ELAVL2: variants seen among roughly 807,000 people sequenced by gnomAD.
ELAVL2 encodes the protein ELAV-like protein 2.
In ELAVL2, 4 loss-of-function variants were observed where a neutral mutation model predicts 34.6. The ratio of observed to expected loss-of-function variants is 0.12; its 90% CI spans 0.06 to 0.26. The LOEUF (loss-of-function observed/expected upper bound fraction) is 0.26, where lower values mean the gene tolerates loss of function less well. Among genes scored for constraint, ELAVL2 ranks in the 10% least tolerant of loss-of-function variants. The pLI is 1.00. For missense variants in ELAVL2, 432 were observed against 442.8 expected, an observed-to-expected ratio of 0.98 and a Z score of 0.22; for synonymous variants, 193 against 154.8, an observed-to-expected ratio of 1.25 and a Z score of -1.83.
intron 1 of ELAVL2, among the ~76,000 whole-genome samples, chr9:23,816,431 T>A (rs1251717273): frequency 6.6e-6 from 1 of 151,636 alleles, no homozygotes; most frequent in Non-Finnish European, 1.5e-5. Flanking sequence ...ACATAGTCTT[T>A]AAAGTTGCTG....
intron 3 of ELAVL2, among the ~76,000 whole-genome samples, chr9:23,710,961 A>T (rs1564005523): frequency 6.6e-6 from 1 of 152,146 alleles, no homozygotes; most frequent in Non-Finnish European, 1.5e-5. Flanking sequence ...TTCACCCAAA[A>T]GGAAGATGTG....
chr9:23,776,926 C>T (rs2058297543), intron 1 of ELAVL2, among the ~76,000 whole-genome samples: 1 of 152,064 alleles, frequency 6.6e-6, no homozygotes, highest in African/African-American at 2.4e-5. Context: ...AAGTGGACTT[C>T]TGCCTCACTA....
intron 2 of ELAVL2, among the ~76,000 whole-genome samples, chr9:23,732,315 CTAA>C (rs1297068039): frequency 2.6e-5 from 4 of 152,106 alleles, no homozygotes; most frequent in Non-Finnish European, 5.9e-5. Flanking sequence ...AAAGAGAAGG[CTAA>C]ATACAGTGCC....
chr9:23,699,949 T>C (rs1377081088), intron 5 of ELAVL2, among the ~76,000 whole-genome samples: 2 of 151,562 alleles, frequency 1.3e-5, no homozygotes, highest in Non-Finnish European at 2.9e-5. Flanking sequence ...CCAACTTAAG[T>C]TGAAATTTAA....
At chr9:23,745,550 A>C (rs1029088397) in intron 2 of ELAVL2, among the ~76,000 whole-genome samples, 1 of 152,156 alleles carries the variant, frequency 6.6e-6, no homozygotes, top group African/African-American at 2.4e-5. Context: ...CTTGCTGGGA[A>C]AAAAAACATA....
At chr9:23,724,874 AT>A (rs376836188) in intron 3 of ELAVL2, among the ~76,000 whole-genome samples, 264 of 149,522 alleles carry the variant, frequency 1.8e-3, no homozygotes, top group African/African-American at 5.0e-3. Context: ...TACTTTTTCA[AT>A]TTTTTTTTTG....
At chr9:23,803,521 C>A (rs755015580) in intron 1 of ELAVL2, among the ~76,000 whole-genome samples, 1 of 152,240 alleles carries the variant, frequency 6.6e-6, no homozygotes, top group South Asian at 2.1e-4. Flanking sequence ...CTCCTCAAGG[C>A]CCCTTTAGCC....
intron 3 of ELAVL2, among the ~76,000 whole-genome samples, chr9:23,729,082 A>G (rs534096275): frequency 2.0e-5 from 3 of 152,190 alleles, no homozygotes; most frequent in Non-Finnish European, 1.5e-5. Flanking sequence ...AGCTGTCATC[A>G]ACTGTCTCCT....
intron 2 of ELAVL2, among the ~76,000 whole-genome samples, chr9:23,740,291 C>T (rs1184369255): frequency 5.3e-5 from 8 of 152,134 alleles, no homozygotes; most frequent in Non-Finnish European, 2.9e-5. Context: ...TAATTCTCAC[C>T]ACAAGGCTAC....
intron 1 of ELAVL2, among the ~76,000 whole-genome samples, chr9:23,763,002 TACA>T (rs2136054849): frequency 6.6e-6 from 1 of 152,218 alleles, no homozygotes; most frequent in African/African-American, 2.4e-5. Flanking sequence ...GTGACTGATC[TACA>T]ACATCAAAAT....
chr9:23,820,366 A>G (rs778747395), intron 1 of ELAVL2, among the ~76,000 whole-genome samples: 2 of 152,192 alleles, frequency 1.3e-5, no homozygotes, highest in African/African-American at 2.4e-5. Context: ...TGCCGAAGGT[A>G]TTACATTTTG....
the ELAVL2 span, among the ~76,000 whole-genome samples, chr9:23,850,239 C>G: frequency 1.1e-4 from 16 of 150,134 alleles, no homozygotes; most frequent in African/African-American, 3.9e-4. Flanking sequence ...ACCACCACCC[C>G]CCCCGCCCCC....
chr9:23,807,643 T>C (rs2062412015), intron 1 of ELAVL2, among the ~76,000 whole-genome samples: 1 of 152,128 alleles, frequency 6.6e-6, no homozygotes, highest in South Asian at 2.1e-4. Flanking sequence ...AATGGGGTGA[T>C]CTGTCAAAGG....
intron 2 of ELAVL2, among the ~76,000 whole-genome samples, chr9:23,734,639 TTTGA>T: frequency 6.6e-6 from 1 of 152,334 alleles, no homozygotes; most frequent in African/African-American, 2.4e-5. Context: ...TTGTTTCTTG[TTTGA>T]TTACTATCTC....
upstream of ELAVL2, chr9:23,826,278 G>GT (rs1165422518): frequency 6.6e-6 from 1 of 152,322 alleles, no homozygotes; most frequent in Non-Finnish European, 1.5e-5. Context: ...TTATAGCACC[G>GT]TATCACCAAC....
chr9:23,840,745 T>C, the ELAVL2 span, among the ~76,000 whole-genome samples: 11 of 152,142 alleles, frequency 7.2e-5, no homozygotes, highest in Admixed American at 1.3e-4. Context: ...AGATATATTT[T>C]AGTGTTTGTT....
chr9:23,781,731 A>AAC (rs1209510884), intron 1 of ELAVL2, among the ~76,000 whole-genome samples: 1 of 151,754 alleles, frequency 6.6e-6, no homozygotes, highest in Admixed American at 6.6e-5. Flanking sequence ...CTTGCTCTGC[A>AAC]ACCCAGGCTG....
the ELAVL2 span, among the ~76,000 whole-genome samples, chr9:23,850,145 A>G: frequency 1.3e-5 from 2 of 151,956 alleles, no homozygotes; most frequent in Non-Finnish European, 2.9e-5. Context: ...TAACAAAACA[A>G]AAGGTAAAGG....
intron 2 of ELAVL2, among the ~76,000 whole-genome samples, chr9:23,747,300 T>A (rs1328206142): frequency 6.6e-6 from 1 of 152,174 alleles, no homozygotes; most frequent in African/African-American, 2.4e-5. Context: ...ATACTCTGAA[T>A]GGTGAGCAAC....
Sources: allele counts gnomAD v4.1 joint callset (sites outside exome capture counted in the v4.1 genomes callset), GRCh38; gene constraint gnomAD v4.1.1; transcripts MANE v1.5; gene names NCBI Gene and HGNC (gene_info 2026-07-23, HGNC 2026-07-21).